The following AXDND1 variants were observed in gnomAD, a reference collection of about 807,000 sequenced individuals.
AXDND1 encodes the protein axonemal dynein light chain domain-containing protein 1.
A neutral mutation model predicts 137.5 loss-of-function variants in AXDND1; 110 were observed. That is an observed-to-expected ratio of 0.80 (90% CI 0.69 to 0.94). The LOEUF (loss-of-function observed/expected upper bound fraction) is 0.94, where lower values mean the gene tolerates loss of function less well. AXDND1 is among the 40% of genes least tolerant of loss of function. The pLI, the probability that AXDND1 is intolerant of heterozygous loss-of-function variation, is 0.00. For missense variants in AXDND1, 1,191 were observed against 1,169.8 expected (o/e 1.02, Z -0.26); for synonymous variants, 414 against 399.7 (o/e 1.04, Z -0.43).
rs372290340 is a variant in AXDND1 at position 179,551,149 on chromosome 1, C to T, written c.3032-3363C>T. ...GACTTTTCTATGGCAGGCCCCTTTACAGTCACATTATGCCCCATCCTTCCT... is the reference window on the plus strand; with the variant it reads ...GACTTTTCTATGGCAGGCCCCTTTATAGTCACATTATGCCCCATCCTTCCT... On this transcript the variant is annotated intron_variant, in intron 25 of 25. Coordinates refer to ENST00000367618, the MANE Select transcript of AXDND1 (RefSeq NM_144696.6). 7 of 1,613,096 alleles carry T rather than the reference C, an allele frequency of 4.3e-6. No homozygotes were observed. In the Admixed American group the frequency reaches 6.7e-5, roughly 15 times the overall value.
chr1:179,385,787 A>G (rs12743373), intron 9 of AXDND1, among the ~76,000 whole-genome samples: 97,735 of 152,058 alleles, frequency 0.64, 31,802 homozygotes, highest in Middle Eastern at 0.7. Context: ...AGTAGGCTTA[A>G]GATTGGATTG....
rs1194187237 is a variant in AXDND1 at position 179,430,595 on chromosome 1, G to A, written c.1476G>A (p.Gln492=). 6.2e-7 allele frequency: 1 copy of A among 1,609,324 alleles called. No homozygotes were observed. The highest frequency in any genetic ancestry group is 1.7e-5 in the Admixed American group (1 of 58,324). The part of the protein sequence containing the change: ...KIVKDGLIKW[Q]EFFNEKDILS... ...TTAAGGATGGGCTTATCAAATGGCAGGAGTTCTTCAAGTGAGTCACCAAGA... is the reference window on the plus strand; with the variant it reads ...TTAAGGATGGGCTTATCAAATGGCAAGAGTTCTTCAAGTGAGTCACCAAGA... Residue 492 remains glutamine (Q), a synonymous_variant, in exon 14 of 26, where the codon CAG becomes CAA. Coordinates refer to ENST00000367618, the MANE Select transcript of AXDND1 (RefSeq NM_144696.6).
chr1:179,419,645 GAGGGGGA>G (rs1374350551), intron 12 of AXDND1, among the ~76,000 whole-genome samples: 1 of 77,766 alleles, frequency 1.3e-5, no homozygotes, highest in Non-Finnish European at 2.6e-5. Context: ...GGGAGAGGGA[GAGGGGGA>G]GGGGGAGGGG....
rs779560311 is a variant in AXDND1 at position 179,383,447 on chromosome 1, C to A, written c.644C>A (p.Pro215His). ...CTGCCACCTTAATTTTTTAGGAAAC[C>A]TAATAAAAGAGTAGAAGTGGCCCAG... is the stretch of plus-strand genomic sequence containing the variant. ...NRLLLFPSMK[P>H]NKRVEVAQLN... is the part of the protein sequence containing the mutation. Residue 215 changes from proline (P) to histidine (H), a missense_variant, in exon 8 of 26, where the codon CCT (proline) becomes CAT (histidine). Coordinates refer to ENST00000367618, the MANE Select transcript of AXDND1 (RefSeq NM_144696.6). 6 of 1,611,830 alleles carry A rather than the reference C, an allele frequency of 3.7e-6. No individual in the cohort carries two copies. In the Admixed American group the frequency reaches 5.0e-5, roughly 13 times the overall value.
chr1:179,477,628 T>C (rs978956046), intron 17 of AXDND1, among the ~76,000 whole-genome samples: 1 of 152,154 alleles, frequency 6.6e-6, no homozygotes, highest in African/African-American at 2.4e-5. Flanking sequence ...TTTTGGGAGC[T>C]ACAATTTAAG....
intron 11 of AXDND1, among the ~76,000 whole-genome samples, chr1:179,402,052 G>A (rs191238826): frequency 1.3e-4 from 20 of 151,678 alleles, no homozygotes; most frequent in Admixed American, 7.9e-4. Flanking sequence ...TGCGCCTGCA[G>A]TCCCAGCTAT....
At chr1:179,495,906 T>TG (rs1036181339) in intron 20 of AXDND1, among the ~76,000 whole-genome samples, 2 of 150,912 alleles carry the variant, frequency 1.3e-5, no homozygotes, top group African/African-American at 4.8e-5. Context: ...CTTTTTTTTT[T>TG]TTTTTTTTAG....
intron 25 of AXDND1, among the ~76,000 whole-genome samples, chr1:179,538,798 A>C (rs943763374): frequency 1.3e-5 from 2 of 151,546 alleles, no homozygotes; most frequent in Non-Finnish European, 3.0e-5. Flanking sequence ...GGGGTGTTAA[A>C]GTCTCCCACT....
intron 17 of AXDND1, among the ~76,000 whole-genome samples, chr1:179,477,747 A>G (rs573581207): frequency 1.5e-4 from 23 of 152,270 alleles, no homozygotes; most frequent in African/African-American, 5.1e-4. Flanking sequence ...AACAGTCCCC[A>G]GAAGTCTTAA....
rs1225308457 is a variant in AXDND1 at position 179,483,835 on chromosome 1, G to A, written c.2091+614G>A. ...TTGTAAACTCCATGAGGAATTATGTGTATCCTGTGTATCCATATTAACTCT... is the reference window on the plus strand; with the variant it reads ...TTGTAAACTCCATGAGGAATTATGTATATCCTGTGTATCCATATTAACTCT... On this transcript the variant is annotated intron_variant, in intron 18 of 25. Coordinates refer to ENST00000367618, the MANE Select transcript of AXDND1 (RefSeq NM_144696.6). Among the ~76,000 whole-genome samples the A allele has an allele frequency of 2.0e-5, 3 of 152,178 alleles. No individual in the cohort carries two copies. In the East Asian group the frequency reaches 5.8e-4, roughly 29 times the overall value.
rs138593388 is a variant in AXDND1, at chr1:179,528,573, A to G, written c.2715+142A>G. ...ATTTTACAGATATTTTTCTTCCAAC[A>G]TAATTCCTGGAAAACTCCTTTTTTC... On this transcript the variant is annotated intron_variant, in intron 23 of 25. Coordinates refer to ENST00000367618, the MANE Select transcript of AXDND1 (RefSeq NM_144696.6). The G allele has an allele frequency of 1.1e-3, 493 of 450,170 alleles. 3 individuals carry two copies. Among genetic ancestry groups the G allele is most frequent in the African/African-American group, 9.6e-3 (472 of 49,290 alleles). 27.9% of individuals were successfully genotyped at this position (450,170 alleles called of 1,614,324 possible). A position where few individuals can be genotyped will look rare whatever the true frequency, so the allele number is the denominator to read the frequency against.
intron 20 of AXDND1, among the ~76,000 whole-genome samples, chr1:179,502,562 T>TAAAA (rs35740934): frequency 6.5e-4 from 53 of 81,066 alleles, no homozygotes; most frequent in African/African-American, 1.7e-3. Context: ...AAACTCTGTC[T>TAAAA]AAAAAAAAAA....
chr1:179,369,774 C>A (rs2783384), intron 3 of AXDND1, among the ~76,000 whole-genome samples: 2,212 of 152,264 alleles, frequency 0.015, 24 homozygotes, highest in Non-Finnish European at 0.022. Context: ...ATGATAATTG[C>A]TACCCTTAAT....
At chr1:179,513,711 T>C (rs1415070416) in intron 21 of AXDND1, among the ~76,000 whole-genome samples, 1 of 152,086 alleles carries the variant, frequency 6.6e-6, no homozygotes, top group Non-Finnish European at 1.5e-5. Flanking sequence ...TTTTTGTTGG[T>C]AATTTTTTAA....
chr1:179,436,390 A>G (rs1658154128), intron 15 of AXDND1, among the ~76,000 whole-genome samples: 1 of 152,232 alleles, frequency 6.6e-6, no homozygotes, highest in South Asian at 2.1e-4. Flanking sequence ...ACACGTGCAC[A>G]TGTATATTTA....
At chr1:179,397,795 T>C (rs969945098) in intron 11 of AXDND1, among the ~76,000 whole-genome samples, 1 of 151,866 alleles carries the variant, frequency 6.6e-6, no homozygotes, top group Admixed American at 6.6e-5. Context: ...ATACTTGTAA[T>C]TGCATTATGA....
At chr1:179,526,797 A>G (rs995497059) in intron 22 of AXDND1, among the ~76,000 whole-genome samples, 1 of 152,222 alleles carries the variant, frequency 6.6e-6, no homozygotes, top group African/African-American at 2.4e-5. Flanking sequence ...TCTTAACCAG[A>G]GTGACTCCAT....
At chr1:179,520,899 A>C (rs1669991408) in intron 21 of AXDND1, among the ~76,000 whole-genome samples, 1 of 148,144 alleles carries the variant, frequency 6.8e-6, no homozygotes, top group Middle Eastern at 3.3e-3. Flanking sequence ...ATATTTATAT[A>C]TATTATATAT....
At chr1:179,530,860 A>G (rs1050804934) in intron 23 of AXDND1, among the ~76,000 whole-genome samples, 4 of 152,282 alleles carry the variant, frequency 2.6e-5, no homozygotes, top group Admixed American at 6.5e-5. Flanking sequence ...GGGATCATGT[A>G]ACTTCCCAGT....
Sources: allele counts gnomAD v4.1 joint callset (sites outside exome capture counted in the v4.1 genomes callset), GRCh38; gene constraint gnomAD v4.1.1; transcripts MANE v1.5; gene names NCBI Gene and HGNC (gene_info 2026-07-23, HGNC 2026-07-21).